The following COL5A1 variants were observed in gnomAD, a reference collection of about 807,000 sequenced individuals.
The protein encoded by COL5A1 is collagen alpha-1(V) chain.
COL5A1 carries 16 observed loss-of-function variants against 263.7 expected under a neutral mutation model. The observed-to-expected ratio is 0.06, with a 90% CI of 0.04 to 0.09. COL5A1 has a LOEUF of 0.09. Among genes scored for constraint, COL5A1 ranks in the 10% least tolerant of loss-of-function variants. The probability of loss-of-function intolerance (pLI) is 1.00; values close to 1 mark genes in which losing one functional copy is unlikely to be tolerated. For missense variants in COL5A1, 2,036 were observed against 2,540.5 expected, an observed-to-expected ratio of 0.80 and a Z score of 4.27; for synonymous variants, 1,012 against 1,004.5, an observed-to-expected ratio of 1.01 and a Z score of -0.14.
Position 134,750,623 on chromosome 9 carries a change from AC to A in COL5A1, c.1569+10del. ...AACCATGCTCATGCTGCCCGTGAGTACCCTTATCAGTCGGAGGTGGGGAGGC... is the reference window on the plus strand; with the variant it reads ...AACCATGCTCATGCTGCCCGTGAGTACCTTATCAGTCGGAGGTGGGGAGGC... On this transcript the variant is annotated splice_region_variant and intron_variant, in intron 12 of 65. Coordinates refer to ENST00000371817, the MANE Select transcript of COL5A1 (RefSeq NM_000093.5). The A allele has an allele frequency of 1.2e-6, 2 of 1,613,122 alleles. No homozygotes were observed. Among genetic ancestry groups the A allele is most frequent in the Non-Finnish European group, 1.7e-6 (2 of 1,179,852 alleles).
chr9:134,642,243 T>C lies in COL5A1; in HGVS notation c.56T>C (p.Leu19Pro). 1 of 1,287,194 alleles carries C rather than the reference T, an allele frequency of 7.8e-7. No homozygotes were observed. Among genetic ancestry groups the C allele is most frequent in the Non-Finnish European group, 9.9e-7 (1 of 1,012,354 alleles). 79.7% of individuals were successfully genotyped at this position (1,287,194 alleles called of 1,614,324 possible). A position where few individuals can be genotyped will look rare whatever the true frequency, so the allele number is the denominator to read the frequency against. ...ARSALRPGAP[L>P]LPPLLLLLLW... ...AGCGCGCTCCGCCCGGGCGCCCCGC[T>C]GCTGCCCCCGCTGCTGCTGCTGCTG... is the stretch of plus-strand genomic sequence containing the variant. Residue 19 changes from leucine to proline, a missense_variant, in exon 1 of 66, where the codon CTG (leucine) becomes CCG (proline). Physicochemically the swap from Leu to Pro is moderately conservative, Grantham distance 98 (BLOSUM62 -3). This residue lies in a region of COL5A1 where 600 missense variants were observed against 634.5 expected (regional missense o/e 0.95). Coordinates refer to ENST00000371817, the MANE Select transcript of COL5A1 (RefSeq NM_000093.5). This position sits in a 1 kb window ranked among gnomAD's most constrained non-coding sequence, Gnocchi z 4.5.
intron 46 of COL5A1, among the ~76,000 whole-genome samples, chr9:134,811,883 A>G (rs1838537830): frequency 6.6e-6 from 1 of 152,232 alleles, no homozygotes; most frequent in Non-Finnish European, 1.5e-5. Flanking sequence ...CACCTCCTAG[A>G]GATGACAACG....
chr9:134,791,654 C>T (rs1368078966), intron 32 of COL5A1, among the ~76,000 whole-genome samples: 1 of 151,932 alleles, frequency 6.6e-6, no homozygotes. Flanking sequence ...CTTAGGTTAC[C>T]CAGAAGCCTC....
At chr9:134,764,939 T>A (rs1286982872) in intron 20 of COL5A1, among the ~76,000 whole-genome samples, 1 of 152,138 alleles carries the variant, frequency 6.6e-6, no homozygotes, top group Non-Finnish European at 1.5e-5. Flanking sequence ...CTGAAAAGGT[T>A]CTGTCAAAAT....
At chr9:134,651,658 G>T (rs1291983871) in intron 1 of COL5A1, among the ~76,000 whole-genome samples, 3 of 152,236 alleles carry the variant, frequency 2.0e-5, no homozygotes, top group Non-Finnish European at 4.4e-5. Flanking sequence ...GCCTGTTGTG[G>T]GGGTGACAGG....
In COL5A1 at chr9:134,785,075, T is replaced by C; in HGVS notation, c.2571T>C (p.Pro857=). The C allele has an allele frequency of 6.2e-7, 1 of 1,613,140 alleles. No homozygotes were observed. Among genetic ancestry groups the C allele is most frequent in the Admixed American group, 1.7e-5 (1 of 60,022 alleles). ...GRGGPNGDPG[P]LGPPGEKGKL... ...GAGGTCCCAATGGTGACCCCGGTCCTCTGGGACCCCCTGGGGAGAAGGTTT... is the reference window on the plus strand; with the variant it reads ...GAGGTCCCAATGGTGACCCCGGTCCCCTGGGACCCCCTGGGGAGAAGGTTT... The change falls in exon 30 of 66, where the codon CCT becomes CCC. Residue 857 remains proline (P), a synonymous_variant. Coordinates refer to ENST00000371817, the MANE Select transcript of COL5A1 (RefSeq NM_000093.5).
chr9:134,745,429 G>A (rs1011662522), intron 11 of COL5A1, among the ~76,000 whole-genome samples: 3 of 152,168 alleles, frequency 2.0e-5, no homozygotes, highest in Non-Finnish European at 4.4e-5. Flanking sequence ...ATGGCTGGGT[G>A]AGTCCAGGAG....
chr9:134,827,576 C>A (rs375853089), intron 63 of COL5A1, among the ~76,000 whole-genome samples: 1 of 152,226 alleles, frequency 6.6e-6, no homozygotes, highest in East Asian at 1.9e-4. Context: ...GTGGAAATCA[C>A]GGGCCAGACT....
Position 134,765,376 on chromosome 9 carries a change from C to T in COL5A1, c.2035-305C>T, listed in dbSNP as rs960084239. 2.6e-5 allele frequency among the ~76,000 whole-genome samples: 4 copies of T among 152,064 alleles called. No individual in the cohort carries two copies. Among genetic ancestry groups the T allele is most frequent in the African/African-American group, 9.7e-5 (4 of 41,406 alleles). The stretch of plus-strand genomic sequence containing the variant: ...CTGGGGGAGCGTCTGCTCACCTGCC[C>T]CAGCAAGTGTCAGAGGAGCCGGTCA... On this transcript the variant is annotated intron_variant, in intron 20 of 65. Transcript: ENST00000371817. This position sits in a 1 kb window ranked among gnomAD's most constrained non-coding sequence, Gnocchi z 5.1.
intron 65 of COL5A1, among the ~76,000 whole-genome samples, chr9:134,836,619 A>G (rs569083065): frequency 6.6e-6 from 1 of 152,206 alleles, no homozygotes; most frequent in Non-Finnish European, 1.5e-5. Context: ...GGTGGTGCCG[A>G]CTGAGAGTGC....
chr9:134,660,277 G>A (rs556215512), intron 1 of COL5A1, among the ~76,000 whole-genome samples: 1 of 152,254 alleles, frequency 6.6e-6, no homozygotes, highest in South Asian at 2.1e-4. Flanking sequence ...TTTTACTCTT[G>A]GTTTTCACTT....
chr9:134,825,781 C>T lies in COL5A1; in HGVS notation c.4955-11C>T. 6.3e-7 allele frequency: 1 copy of T among 1,594,258 alleles called. No individual in the cohort carries two copies. Among genetic ancestry groups the T allele is most frequent in the Non-Finnish European group, 8.6e-7 (1 of 1,162,756 alleles). On this transcript the variant is annotated splice_polypyrimidine_tract_variant and intron_variant, in intron 62 of 65. Transcript: ENST00000371817. ...ACTCTGCCTGCCTCCCTCCCCGTCTCTGAAATCCAGGTGAATACTGGGTCG... is the reference window on the plus strand; with the variant it reads ...ACTCTGCCTGCCTCCCTCCCCGTCTTTGAAATCCAGGTGAATACTGGGTCG...
chr9:134,822,289 C>T, intron 59 of COL5A1, 139 bp downstream of exon 59: 3 of 713,706 alleles, frequency 4.2e-6, no homozygotes, highest in East Asian at 2.5e-5. Flanking sequence ...GGTGGATTTG[C>T]CCATTAACTC....
At chr9:134,708,159 G>A (rs1158350610) in intron 4 of COL5A1, among the ~76,000 whole-genome samples, 4 of 152,156 alleles carry the variant, frequency 2.6e-5, no homozygotes, top group Non-Finnish European at 5.9e-5. Flanking sequence ...GGGCTGGCTG[G>A]GCCAACTCTG....
In COL5A1 at chr9:134,677,639, C is replaced by A. The variant is rs1832717614; in HGVS notation, c.110-13273C>A. 2.6e-5 allele frequency among the ~76,000 whole-genome samples: 4 copies of A among 152,218 alleles called. No homozygotes were observed. The South Asian group carries it at 8.3e-4, about 31-fold the overall frequency. On this transcript the variant is annotated intron_variant, in intron 1 of 65. Transcript: ENST00000371817. The surrounding 1 kb of genome is among the most constrained non-coding windows in gnomAD (Gnocchi z 4.4). ...CCCTTCATCCAGCCGTCCCTGGGGCCATTCTTCAAGCGCCCTTTTCCATCC... is the reference window on the plus strand; with the variant it reads ...CCCTTCATCCAGCCGTCCCTGGGGCAATTCTTCAAGCGCCCTTTTCCATCC...
At chr9:134,836,792 G>C (rs1281333801) in intron 65 of COL5A1, among the ~76,000 whole-genome samples, 2 of 152,222 alleles carry the variant, frequency 1.3e-5, no homozygotes, top group Non-Finnish European at 1.5e-5. Flanking sequence ...TGTCTCCCAG[G>C]GCCATCCCGC....
intron 1 of COL5A1, among the ~76,000 whole-genome samples, chr9:134,666,532 T>C (rs1344261173): frequency 6.6e-6 from 1 of 152,238 alleles, no homozygotes; most frequent in African/African-American, 2.4e-5. Context: ...CAGGTTGGGC[T>C]GGCCAGGGAC....
At chr9:134,709,313 G>T in intron 4 of COL5A1, 1 of 182,036 alleles carries the variant, frequency 5.5e-6, no homozygotes, top group Non-Finnish European at 1.0e-5. Flanking sequence ...CTGAGGAGGG[G>T]TGGGGGGGCT....
At chr9:134,648,048 G>T (rs1424863635) in intron 1 of COL5A1, among the ~76,000 whole-genome samples, 1 of 152,124 alleles carries the variant, frequency 6.6e-6, no homozygotes, top group Non-Finnish European at 1.5e-5. Flanking sequence ...CGTTAATCGG[G>T]AGGGCACAAT....
Sources: gnomAD v4.1 joint callset for allele counts (sites outside exome capture counted in the v4.1 genomes callset) on GRCh38, gnomAD v4.1.1 for gene constraint, gnomAD v4.1.1 regional missense constraint, Gnocchi (gnomAD v3.1) non-coding constraint, MANE v1.5 for transcripts, NCBI Gene and HGNC (gene_info 2026-07-23, HGNC 2026-07-21) for gene names.